Variants in PLBD1 observed in about 807,000 individuals in gnomAD.
The protein encoded by PLBD1 is phospholipase B domain containing 1.
PLBD1 carries 60 observed loss-of-function variants against 63.0 expected under a neutral mutation model. That is an observed-to-expected ratio of 0.95 (90% CI 0.77 to 1.18). The LOEUF (loss-of-function observed/expected upper bound fraction) is 1.18, where lower values mean the gene tolerates loss of function less well. Ranked by LOEUF, PLBD1 falls within the 50% of genes most tolerant of loss-of-function variation. The probability of loss-of-function intolerance (pLI) is 0.00; values close to 1 mark genes in which losing one functional copy is unlikely to be tolerated. For synonymous variants in PLBD1, 262 were observed against 248.0 expected (o/e 1.06, Z -0.53); for missense variants, 598 against 677.9 (o/e 0.88, Z 1.31).
chr12:14,508,718 C>T (rs1396799299), intron 8 of PLBD1, among the ~76,000 whole-genome samples: 4 of 152,140 alleles, frequency 2.6e-5, no homozygotes, highest in African/African-American at 7.2e-5. Context: ...TGTAGTGAGC[C>T]GAGATCACGC....
At chr12:14,559,438 C>T (rs940600315) in intron 1 of PLBD1, among the ~76,000 whole-genome samples, 7 of 152,142 alleles carry the variant, frequency 4.6e-5, no homozygotes, top group Admixed American at 2.0e-4. Flanking sequence ...AAGCAATCCT[C>T]CTACCTGAGC....
intron 4 of PLBD1, 94 bp downstream of exon 4, chr12:14,540,670 T>C: frequency 1.5e-6 from 2 of 1,295,322 alleles, no homozygotes; most frequent in Non-Finnish European, 2.1e-6. Context: ...AGTTCTACTT[T>C]GACCTGCTTC....
chr12:14,554,920 C>T (rs372771202), intron 1 of PLBD1, among the ~76,000 whole-genome samples: 14 of 152,156 alleles, frequency 9.2e-5, no homozygotes, highest in African/African-American at 1.4e-4. Context: ...ACTAGAGATT[C>T]GAAATATCCT....
intron 6 of PLBD1, among the ~76,000 whole-genome samples, chr12:14,525,536 T>A (rs112587617): frequency 1.3e-5 from 2 of 152,092 alleles, no homozygotes; most frequent in Admixed American, 6.6e-5. Context: ...AAACATTAAT[T>A]TGCAGTTCCT....
chr12:14,559,295 G>A (rs1326395580), intron 1 of PLBD1, among the ~76,000 whole-genome samples: 2 of 152,100 alleles, frequency 1.3e-5, no homozygotes, highest in African/African-American at 4.8e-5. Context: ...GTTTGTGTGT[G>A]TTCTCTAAAT....
chr12:14,547,598 G>A (rs895905932), intron 2 of PLBD1, among the ~76,000 whole-genome samples: 3 of 152,220 alleles, frequency 2.0e-5, no homozygotes, highest in African/African-American at 7.2e-5. Context: ...AGCTCCTGCA[G>A]TGTGTAAAGT....
At chr12:14,555,059 T>A (rs1415958499) in intron 1 of PLBD1, among the ~76,000 whole-genome samples, 1 of 152,150 alleles carries the variant, frequency 6.6e-6, no homozygotes, top group African/African-American at 2.4e-5. Context: ...AATCTCTACC[T>A]CTTTATCCCT....
intron 2 of PLBD1, among the ~76,000 whole-genome samples, chr12:14,548,098 C>T (rs930709558): frequency 2.6e-5 from 4 of 152,054 alleles, no homozygotes; most frequent in African/African-American, 7.2e-5. Flanking sequence ...TGATTATCAT[C>T]GTCATTGGTA....
At chr12:14,514,089 C>T (rs1179168637) in intron 6 of PLBD1, among the ~76,000 whole-genome samples, 1 of 152,132 alleles carries the variant, frequency 6.6e-6, no homozygotes, top group East Asian at 1.9e-4. Context: ...CCAACTAACT[C>T]TTAATGAGCC....
chr12:14,538,522 A>G (rs1247083309), intron 4 of PLBD1, among the ~76,000 whole-genome samples: 1 of 151,976 alleles, frequency 6.6e-6, no homozygotes, highest in African/African-American at 2.4e-5. Flanking sequence ...CAGCATTCCA[A>G]CGTACGGATG....
intron 4 of PLBD1, among the ~76,000 whole-genome samples, chr12:14,538,214 A>C (rs1466564571): frequency 2.0e-5 from 3 of 151,878 alleles, no homozygotes; most frequent in Non-Finnish European, 4.4e-5. Flanking sequence ...TATTTTTGAG[A>C]CAGAGTTTCA....
rs3789996 is a variant in PLBD1, at chr12:14,506,899, T to C, written c.1372+34A>G. On this transcript the variant is annotated intron_variant, in intron 9 of 10. Coordinates refer to ENST00000240617, the MANE Select transcript of PLBD1 (RefSeq NM_024829.6). ...GTATCCATAGGGAAGAAAAGGAGTTTTGAAGAATGATTCTTGAGAAATATG... is the reference window on the plus strand; with the variant it reads ...GTATCCATAGGGAAGAAAAGGAGTTCTGAAGAATGATTCTTGAGAAATATG... 577 of 1,588,036 alleles carry C rather than the reference T, an allele frequency of 3.6e-4. 2 individuals carry two copies. The East Asian group carries it at 5.3e-3, about 15-fold the overall frequency.
At chr12:14,566,889 G>A (rs1024775095) in intron 1 of PLBD1, among the ~76,000 whole-genome samples, 1 of 151,726 alleles carries the variant, frequency 6.6e-6, no homozygotes, top group Non-Finnish European at 1.5e-5. Flanking sequence ...CGAGTCAGGC[G>A]TTCGAGACCA....
At chr12:14,522,007 G>C (rs1202022815) in intron 6 of PLBD1, among the ~76,000 whole-genome samples, 1 of 151,394 alleles carries the variant, frequency 6.6e-6, no homozygotes, top group Non-Finnish European at 1.5e-5. Context: ...AAATATAATG[G>C]AAAGTTCCAA....
chr12:14,513,792 T>C (rs1156859497), intron 6 of PLBD1, among the ~76,000 whole-genome samples: 1 of 151,916 alleles, frequency 6.6e-6, no homozygotes, highest in Non-Finnish European at 1.5e-5. Context: ...TTTTTTTTTT[T>C]TTTTTGAGAC....
At position 14,567,746 on chromosome 12, in the gene PLBD1, C is replaced by A. The variant is rs1217831373; in HGVS notation, c.-50G>T. Reference sequence around the variant, plus strand: ...TGCGGGATCAGGCGGCCGCGGTGGCCCGCGGTGGCAGAAGTTGCAAGAGAG... The same window carrying A: ...TGCGGGATCAGGCGGCCGCGGTGGCACGCGGTGGCAGAAGTTGCAAGAGAG... On this transcript the variant is annotated 5_prime_UTR_variant, in exon 1 of 11. Coordinates refer to ENST00000240617, the MANE Select transcript of PLBD1 (RefSeq NM_024829.6). The A allele has an allele frequency of 7.2e-7, 1 of 1,382,894 alleles. No homozygotes were observed. The highest frequency in any genetic ancestry group is 3.0e-5 in the East Asian group (1 of 32,984). The allele number at this position is 1,382,894 out of a possible 1,614,324, so 85.7% of individuals were successfully genotyped here. A position where few individuals can be genotyped will look rare whatever the true frequency, so the allele number is the denominator to read the frequency against.
intron 1 of PLBD1, among the ~76,000 whole-genome samples, chr12:14,556,170 T>C (rs1156996841): frequency 6.6e-6 from 1 of 152,206 alleles, no homozygotes; most frequent in Non-Finnish European, 1.5e-5. Context: ...CCAGAATGAC[T>C]ATCAGGTTTT....
intron 4 of PLBD1, among the ~76,000 whole-genome samples, chr12:14,539,389 CCTCT>C (rs1448119424): frequency 2.0e-5 from 3 of 151,628 alleles, no homozygotes; most frequent in Non-Finnish European, 2.9e-5. Context: ...TCATTACCTG[CCTCT>C]CTATTATTTA....
At chr12:14,536,786 C>T (rs1401762129) in intron 4 of PLBD1, 76 bp from the exon 5 acceptor site, 1 of 1,554,964 alleles carries the variant, frequency 6.4e-7, no homozygotes, top group Non-Finnish European at 8.8e-7. Flanking sequence ...TGTTAGGGAC[C>T]CATTAAATTA....
Sources: gnomAD v4.1 joint callset for allele counts (sites outside exome capture counted in the v4.1 genomes callset) on GRCh38, gnomAD v4.1.1 for gene constraint, MANE v1.5 for transcripts, NCBI Gene and HGNC (gene_info 2026-07-23, HGNC 2026-07-21) for gene names.